Variants in RNLS observed in about 807,000 individuals in gnomAD.
RNLS encodes renalase, FAD dependent amine oxidase.
Under a neutral mutation model 39.8 loss-of-function variants are expected in RNLS, and 39 were observed. The observed-to-expected ratio is 0.98, with a 90% confidence interval of 0.76 to 1.28. The LOEUF (loss-of-function observed/expected upper bound fraction) is 1.28, where lower values mean the gene tolerates loss of function less well. Among genes scored for constraint, RNLS ranks in the 50% most tolerant of loss-of-function variants. The pLI, the probability that RNLS is intolerant of heterozygous loss-of-function variation, is 0.00. For synonymous variants in RNLS, 147 were observed against 150.7 expected (o/e 0.98, Z 0.18); for missense variants, 410 against 413.3 (o/e 0.99, Z 0.07).
Position 88,583,227 on chromosome 10 carries a change from G to A in RNLS, c.-37C>T, listed in dbSNP as rs141846403. On this transcript the variant is annotated 5_prime_UTR_variant, in exon 1 of 7. Transcript: ENST00000331772. The stretch of plus-strand genomic sequence containing the variant: ...GCAGCGATCCGCGCTGAGTCTCTGC[G>A]GCGGGGCCGTTCGGCCCGGGCTTTC... 6.8e-6 allele frequency: 11 copies of A among 1,610,382 alleles called. No individual in the cohort carries two copies. Among genetic ancestry groups the A allele is most frequent in the Admixed American group, 1.7e-5 (1 of 59,736 alleles).
the RNLS span, among the ~76,000 whole-genome samples, chr10:88,191,291 T>A: frequency 6.6e-6 from 1 of 152,180 alleles, no homozygotes; most frequent in African/African-American, 2.4e-5. Flanking sequence ...TTTGGAGAAG[T>A]TAAGGAATTA....
chr10:88,290,676 G>A (rs1410496840), intron 6 of RNLS, among the ~76,000 whole-genome samples: 1 of 152,174 alleles, frequency 6.6e-6, no homozygotes, highest in African/African-American at 2.4e-5. Context: ...CATTGGTGAA[G>A]CCATTCTAAA....
rs150560334 is a variant in RNLS, at chr10:88,356,538, C to T, written c.700+6014G>A. 8.1e-3 allele frequency among the ~76,000 whole-genome samples: 1,233 copies of T among 152,134 alleles called. 20 individuals carry two copies. The highest frequency in any genetic ancestry group is 0.029 in the South Asian group (140 of 4,818). On this transcript the variant is annotated intron_variant, in intron 5 of 6. Transcript: ENST00000331772. ...TGTCCTTCTTTTTATAAAGAGTTGA[C>T]GTAATAAATAGCCATATGGAATAAC... is the stretch of plus-strand genomic sequence containing the variant.
intron 5 of RNLS, among the ~76,000 whole-genome samples, chr10:88,341,364 C>T (rs1051717352): frequency 3.6e-5 from 5 of 138,970 alleles, no homozygotes; most frequent in Non-Finnish European, 7.8e-5. Flanking sequence ...TGAGAACAAA[C>T]AAGAATATTG....
chr10:88,422,875 C>A (rs1022066206), intron 4 of RNLS, among the ~76,000 whole-genome samples: 1 of 151,886 alleles, frequency 6.6e-6, no homozygotes, highest in Non-Finnish European at 1.5e-5. Context: ...GCAATCCTCC[C>A]GCCTCAGCCT....
intron 4 of RNLS, among the ~76,000 whole-genome samples, chr10:88,495,579 C>T (rs1845121436): frequency 6.6e-6 from 1 of 151,922 alleles, no homozygotes; most frequent in African/African-American, 2.4e-5. Flanking sequence ...GAAAAGAAAT[C>T]AAAAAGGGCT....
the RNLS span, among the ~76,000 whole-genome samples, chr10:88,196,725 C>A: frequency 6.6e-6 from 1 of 152,164 alleles, no homozygotes; most frequent in African/African-American, 2.4e-5. Context: ...CCAGTTTAGA[C>A]GAGACAATGC....
At chr10:88,281,842 C>T (rs532853346), downstream of RNLS, among the ~76,000 whole-genome samples, 3 of 151,958 alleles carry the variant, frequency 2.0e-5, no homozygotes, top group South Asian at 6.2e-4. Context: ...CATTCATATT[C>T]CCGGTTTTTC....
rs530600293 is a variant in RNLS, at chr10:88,327,176, G to T, written c.701-12535C>A. Reference sequence around the variant, plus strand: ...GTTTATGCTGGAATGAGTTAGTTAGGACTTTGGCAGACTGTTGGAAAGGCA... The same window carrying T: ...GTTTATGCTGGAATGAGTTAGTTAGTACTTTGGCAGACTGTTGGAAAGGCA... On this transcript the variant is annotated intron_variant, in intron 5 of 6. Transcript: ENST00000331772. Among the ~76,000 whole-genome samples, 6 of 152,240 alleles carry T rather than the reference G, an allele frequency of 3.9e-5. No individual in the cohort carries two copies. In the South Asian group the frequency reaches 1.2e-3, roughly 32 times the overall value.
intron 4 of RNLS, among the ~76,000 whole-genome samples, chr10:88,472,470 A>G (rs2153856): frequency 0.36 from 53,928 of 151,902 alleles, 11,421 homozygotes; most frequent in African/African-American, 0.59. Flanking sequence ...TAGGCATGAA[A>G]ATGGAAGGGA....
At chr10:88,267,391 C>T in the RNLS span, among the ~76,000 whole-genome samples, 3 of 152,124 alleles carry the variant, frequency 2.0e-5, no homozygotes, top group African/African-American at 4.8e-5. Flanking sequence ...GCCTGGGCAA[C>T]ATAGCGAGAC....
At chr10:88,308,349 C>T (rs1845086982) in intron 6 of RNLS, among the ~76,000 whole-genome samples, 1 of 151,964 alleles carries the variant, frequency 6.6e-6, no homozygotes, top group Admixed American at 6.6e-5. Flanking sequence ...GAACAGACAG[C>T]CTATAGAATA....
At chr10:88,180,300 T>G in the RNLS span, among the ~76,000 whole-genome samples, 1 of 152,182 alleles carries the variant, frequency 6.6e-6, no homozygotes, top group African/African-American at 2.4e-5. Context: ...TTCTCAGAGA[T>G]GACATTAAAC....
chr10:88,314,055 G>A (rs1455599157), intron 6 of RNLS, among the ~76,000 whole-genome samples: 3 of 152,136 alleles, frequency 2.0e-5, no homozygotes, highest in African/African-American at 7.2e-5. Context: ...AATTGTGGTA[G>A]CAAAATACAC....
At chr10:88,414,177 T>C (rs1005888645) in intron 4 of RNLS, among the ~76,000 whole-genome samples, 4 of 152,106 alleles carry the variant, frequency 2.6e-5, no homozygotes, top group East Asian at 1.9e-4. Flanking sequence ...TCTTTAGAGA[T>C]TGTATCATTA....
chr10:88,352,985 C>T (rs570284807), intron 5 of RNLS, among the ~76,000 whole-genome samples: 8 of 152,134 alleles, frequency 5.3e-5, no homozygotes, highest in Non-Finnish European at 8.8e-5. Flanking sequence ...AGTTTATTTG[C>T]GTAGAGGTGT....
At chr10:88,343,376 G>T (rs576588891) in intron 5 of RNLS, 1 of 228,148 alleles carries the variant, frequency 4.4e-6, no homozygotes, top group South Asian at 1.6e-4. Context: ...GATGATTTCG[G>T]ATTTTTGCCC....
chr10:88,556,490 A>G (rs930266873), intron 4 of RNLS, among the ~76,000 whole-genome samples: 8 of 152,196 alleles, frequency 5.3e-5, no homozygotes, highest in South Asian at 2.1e-4. Context: ...TCTAAGTCAC[A>G]TAAGGTCTTT....
At chr10:88,570,328 A>G (rs1400721802) in intron 4 of RNLS, among the ~76,000 whole-genome samples, 6 of 152,248 alleles carry the variant, frequency 3.9e-5, no homozygotes, top group African/African-American at 1.4e-4. Flanking sequence ...ATAGAATAAG[A>G]AAAAAGTCTA....
Sources: gnomAD v4.1 joint callset for allele counts (sites outside exome capture counted in the v4.1 genomes callset) on GRCh38, gnomAD v4.1.1 for gene constraint, MANE v1.5 for transcripts, NCBI Gene and HGNC (gene_info 2026-07-23, HGNC 2026-07-21) for gene names.